Variants in TTLL11 observed in about 807,000 individuals in gnomAD.
TTLL11 encodes tubulin polyglutamylase TTLL11.
TTLL11 carries 42 observed loss-of-function variants against 51.7 expected under a neutral mutation model. The observed-to-expected ratio is 0.81, with a 90% confidence interval of 0.64 to 1.05. TTLL11 has a LOEUF of 1.05. Among genes scored for constraint, TTLL11 ranks in the 50% least tolerant of loss-of-function variants. The probability of loss-of-function intolerance (pLI) is 0.00; values close to 1 mark genes in which losing one functional copy is unlikely to be tolerated. For synonymous variants in TTLL11, 381 were observed against 383.5 expected, an observed-to-expected ratio of 0.99 and a Z score of 0.08; for missense variants, 799 against 940.4, an observed-to-expected ratio of 0.85 and a Z score of 1.97.
chr9:121,874,497 T>G (rs1389195057), intron 6 of TTLL11, among the ~76,000 whole-genome samples: 1 of 152,224 alleles, frequency 6.6e-6, no homozygotes, highest in African/African-American at 2.4e-5. Flanking sequence ...ACTATTAACA[T>G]TTTGATTTCT....
At chr9:122,056,752 A>G (rs376102338) in intron 1 of TTLL11, among the ~76,000 whole-genome samples, 6 of 152,210 alleles carry the variant, frequency 3.9e-5, no homozygotes, top group East Asian at 3.8e-4. Flanking sequence ...TGCATCTTCC[A>G]CCTGGGTGTC....
chr9:121,886,464 C>A (rs1170949398), intron 6 of TTLL11, among the ~76,000 whole-genome samples: 1 of 152,120 alleles, frequency 6.6e-6, no homozygotes, highest in Non-Finnish European at 1.5e-5. Context: ...GCCATGGGAA[C>A]CGAGGGCAGA....
intron 6 of TTLL11, among the ~76,000 whole-genome samples, chr9:121,913,556 C>T (rs1207937339): frequency 6.6e-6 from 1 of 152,114 alleles, no homozygotes; most frequent in Non-Finnish European, 1.5e-5. Context: ...ATCTTTCATA[C>T]CTGGTGATTA....
At chr9:122,011,665 C>T (rs1321405272) in intron 3 of TTLL11, among the ~76,000 whole-genome samples, 3 of 152,116 alleles carry the variant, frequency 2.0e-5, no homozygotes, top group African/African-American at 4.8e-5. Context: ...ATGTATGCAA[C>T]ATACTCTCAA....
At chr9:122,042,008 C>A (rs1262666830) in intron 1 of TTLL11, among the ~76,000 whole-genome samples, 4 of 137,052 alleles carry the variant, frequency 2.9e-5, no homozygotes, top group Non-Finnish European at 4.6e-5. Context: ...AGTTCTCATA[C>A]TTCCTTTTTT....
intron 6 of TTLL11, among the ~76,000 whole-genome samples, chr9:121,896,955 G>A (rs1396812683): frequency 1.3e-5 from 2 of 152,152 alleles, no homozygotes; most frequent in Non-Finnish European, 2.9e-5. Flanking sequence ...TCCCAAACTG[G>A]CTCTGCAAAG....
At chr9:121,964,227 C>T (rs1251875191) in intron 6 of TTLL11, among the ~76,000 whole-genome samples, 1 of 151,276 alleles carries the variant, frequency 6.6e-6, no homozygotes, top group Non-Finnish European at 1.5e-5. Flanking sequence ...GACTGTGACA[C>T]ATTCATTAGA....
chr9:122,029,808 C>G (rs1012864128), intron 3 of TTLL11, among the ~76,000 whole-genome samples: 2 of 152,178 alleles, frequency 1.3e-5, no homozygotes, highest in Non-Finnish European at 2.9e-5. Context: ...CACTCACAGA[C>G]TCACCCAGAG....
intron 6 of TTLL11, among the ~76,000 whole-genome samples, chr9:121,898,356 C>T (rs985658321): frequency 2.0e-5 from 3 of 152,268 alleles, no homozygotes; most frequent in African/African-American, 4.8e-5. Context: ...GGAGGCACTG[C>T]TGCTGCCTCT....
chr9:121,897,809 C>T (rs1191491544), intron 6 of TTLL11, among the ~76,000 whole-genome samples: 1 of 152,162 alleles, frequency 6.6e-6, no homozygotes, highest in Non-Finnish European at 1.5e-5. Flanking sequence ...GCCTCTGCTG[C>T]TGTGTTTTCC....
intron 4 of TTLL11, among the ~76,000 whole-genome samples, chr9:121,981,999 C>T (rs1010910704): frequency 6.6e-6 from 1 of 152,228 alleles, no homozygotes; most frequent in African/African-American, 2.4e-5. Context: ...CAGAGACCCA[C>T]TGAGATCTCA....
chr9:121,923,137 G>C (rs544559446), intron 6 of TTLL11, among the ~76,000 whole-genome samples: 1 of 152,194 alleles, frequency 6.6e-6, no homozygotes, highest in Non-Finnish European at 1.5e-5. Flanking sequence ...CTTTAGCCCT[G>C]TGATTCTAGA....
intron 3 of TTLL11, among the ~76,000 whole-genome samples, chr9:122,000,821 C>T (rs1331082598): frequency 6.6e-6 from 1 of 152,086 alleles, no homozygotes; most frequent in Admixed American, 6.6e-5. Flanking sequence ...ACGGACTTGC[C>T]CTGAATTCTT....
At chr9:121,904,272 G>A (rs929289804) in intron 6 of TTLL11, among the ~76,000 whole-genome samples, 1 of 152,042 alleles carries the variant, frequency 6.6e-6, no homozygotes, top group Non-Finnish European at 1.5e-5. Context: ...CGCCTCCCGG[G>A]TTCAAGCCAT....
intron 6 of TTLL11, among the ~76,000 whole-genome samples, chr9:121,956,985 A>T (rs987926766): frequency 6.6e-6 from 1 of 152,130 alleles, no homozygotes; most frequent in Non-Finnish European, 1.5e-5. Flanking sequence ...GCCCCAGAAG[A>T]AGGGGAGTCT....
chr9:121,927,861 A>G (rs1794244592), intron 6 of TTLL11, among the ~76,000 whole-genome samples: 1 of 152,202 alleles, frequency 6.6e-6, no homozygotes, highest in South Asian at 2.1e-4. Flanking sequence ...GGTTTTAGTA[A>G]GGTGGAAAAA....
At chr9:121,911,696 A>T (rs1228496732) in intron 6 of TTLL11, among the ~76,000 whole-genome samples, 3 of 152,202 alleles carry the variant, frequency 2.0e-5, no homozygotes, top group Non-Finnish European at 4.4e-5. Flanking sequence ...ACAAAAAACC[A>T]AACACCACGT....
intron 7 of TTLL11, among the ~76,000 whole-genome samples, chr9:121,867,505 C>T (rs1348728630): frequency 6.6e-6 from 1 of 152,212 alleles, no homozygotes; most frequent in African/African-American, 2.4e-5. Flanking sequence ...CTGCCCCTCT[C>T]TCTTCTCTAT....
chr9:122,045,925 T>C (rs1237987128), intron 1 of TTLL11, among the ~76,000 whole-genome samples: 2 of 152,172 alleles, frequency 1.3e-5, no homozygotes, highest in South Asian at 2.1e-4. Context: ...GTTTAATGGG[T>C]ACAGAGTGTC....
Sources: gnomAD v4.1 joint callset for allele counts (sites outside exome capture counted in the v4.1 genomes callset) on GRCh38, gnomAD v4.1.1 for gene constraint, MANE v1.5 for transcripts, NCBI Gene and HGNC (gene_info 2026-07-23, HGNC 2026-07-21) for gene names.